The following SMURF2 variants were observed in gnomAD, a reference collection of about 807,000 sequenced individuals.
SMURF2 encodes the protein SMAD specific E3 ubiquitin protein ligase 2, also known as E3 ubiquitin-protein ligase SMURF2.
Under a neutral mutation model 109.6 loss-of-function variants are expected in SMURF2, and 48 were observed. The observed-to-expected ratio is 0.44, with a 90% CI of 0.35 to 0.56. The LOEUF is 0.56. Ranked by LOEUF, SMURF2 falls within the 20% of genes least tolerant of loss-of-function variation. The probability of loss-of-function intolerance (pLI) is 0.01; values close to 1 mark genes in which losing one functional copy is unlikely to be tolerated. For missense variants in SMURF2, 575 were observed against 909.0 expected (o/e 0.63, Z 4.72); for synonymous variants, 288 against 317.1 (o/e 0.91, Z 0.97).
In SMURF2 at chr17:64,662,296, G is replaced by C. The variant is rs1337110586; in HGVS notation, c.-416C>G. Reference sequence around the variant, plus strand: ...GGCTCGGCCGCTTCCTCCTCCACCCGCCCTCTTGTCTGAGGGACCCGGGAC... The same window carrying C: ...GGCTCGGCCGCTTCCTCCTCCACCCCCCCTCTTGTCTGAGGGACCCGGGAC... On this transcript the variant is annotated 5_prime_UTR_variant, in exon 1 of 19. Coordinates refer to ENST00000262435, the MANE Select transcript of SMURF2 (RefSeq NM_022739.4). 3 of 976,582 alleles carry C rather than the reference G, an allele frequency of 3.1e-6. No individual in the cohort carries two copies. Among genetic ancestry groups the C allele is most frequent in the Non-Finnish European group, 3.6e-6 (3 of 823,536 alleles). 60.5% of individuals were successfully genotyped at this position (976,582 alleles called of 1,614,324 possible). A position where few individuals can be genotyped will look rare whatever the true frequency, so the allele number is the denominator to read the frequency against.
In SMURF2 at chr17:64,557,680, G is replaced by A; in HGVS notation, c.1359C>T (p.Tyr453=). The A allele has an allele frequency of 1.2e-6, 2 of 1,612,372 alleles. No homozygotes were observed. Among genetic ancestry groups the A allele is most frequent in the Non-Finnish European group, 1.7e-6 (2 of 1,178,990 alleles). The change falls in exon 13 of 19, where the codon TAC becomes TAT. Residue 453 remains tyrosine (Y), a synonymous_variant. Transcript: ENST00000262435. ...YLLSHEMLNP[Y]YGLFQYSRDD... ...CTCTTGAATACTGGAAGAGGCCATA[G>A]TATGGATTCAACATTTCATGTGACA...
chr17:64,645,418 T>C (rs536422418), intron 1 of SMURF2, among the ~76,000 whole-genome samples: 35 of 152,172 alleles, frequency 2.3e-4, no homozygotes, highest in African/African-American at 7.9e-4. Flanking sequence ...TCAGGTACAG[T>C]GGTGTACAGC....
At chr17:64,657,632 A>G (rs1970722244) in intron 1 of SMURF2, among the ~76,000 whole-genome samples, 1 of 151,662 alleles carries the variant, frequency 6.6e-6, no homozygotes, top group Non-Finnish European at 1.5e-5. Context: ...CTGAGCCGGG[A>G]GGTCAAGGCT....
At chr17:64,546,047 G>C (rs1238395448) in intron 18 of SMURF2, 100 bp from the exon 19 acceptor site, 2 of 900,584 alleles carry the variant, frequency 2.2e-6, no homozygotes, top group Middle Eastern at 2.6e-4. Flanking sequence ...GTGTCACACA[G>C]AAAACTAAAA....
At chr17:64,656,766 G>A (rs536340538) in intron 1 of SMURF2, among the ~76,000 whole-genome samples, 1 of 152,128 alleles carries the variant, frequency 6.6e-6, no homozygotes. Flanking sequence ...AAATCTGAAC[G>A]ATGGTTGCTG....
chr17:64,624,503 C>CA (rs539075649), intron 1 of SMURF2, among the ~76,000 whole-genome samples: 5,165 of 52,350 alleles, frequency 0.099, 301 homozygotes, highest in African/African-American at 0.25. Flanking sequence ...CAGGCCTCTA[C>CA]AAAAAAAAAA....
chr17:64,603,707 CCTG>C (rs1555688796), intron 2 of SMURF2, among the ~76,000 whole-genome samples: 1 of 151,478 alleles, frequency 6.6e-6, no homozygotes, highest in African/African-American at 2.4e-5. Context: ...TGAAATTTTT[CCTG>C]CTAAAATTCT....
intron 2 of SMURF2, among the ~76,000 whole-genome samples, chr17:64,603,978 G>C (rs572903198): frequency 1.3e-5 from 2 of 152,042 alleles, no homozygotes; most frequent in African/African-American, 4.8e-5. Flanking sequence ...TAACTGAATC[G>C]CAAGCAAAAA....
At chr17:64,599,087 AGTGATACT>A (rs1214852755) in intron 2 of SMURF2, among the ~76,000 whole-genome samples, 1 of 152,256 alleles carries the variant, frequency 6.6e-6, no homozygotes, top group African/African-American at 2.4e-5. Context: ...ACAAGTGCTT[AGTGATACT>A]GATTGTAACG....
chr17:64,644,769 G>A (rs1970538313), intron 1 of SMURF2, among the ~76,000 whole-genome samples: 1 of 151,832 alleles, frequency 6.6e-6, no homozygotes. Flanking sequence ...AAAATTAGCT[G>A]GGCATGGTGG....
At position 64,545,808 on chromosome 17, in the gene SMURF2, G is replaced by C. The variant is rs782460309; in HGVS notation, c.*40C>G. The C allele has an allele frequency of 8.7e-7, 1 of 1,147,300 alleles. No homozygotes were observed. 71.1% of individuals were successfully genotyped at this position (1,147,300 alleles called of 1,614,324 possible). On this transcript the variant is annotated 3_prime_UTR_variant, in exon 19 of 19. Coordinates refer to ENST00000262435, the MANE Select transcript of SMURF2 (RefSeq NM_022739.4). ...CTGCTGAAAGGAGGCTGTCAGTCAG[G>C]GTTGTATAAATAGAGTCCTGGGTAA...
intron 13 of SMURF2, among the ~76,000 whole-genome samples, chr17:64,556,592 T>G (rs1303660089): frequency 6.6e-6 from 1 of 152,188 alleles, no homozygotes; most frequent in Non-Finnish European, 1.5e-5. Context: ...TTGAAACCCA[T>G]GGAACTGGAC....
At chr17:64,550,518 A>G (rs1477020741) in intron 16 of SMURF2, among the ~76,000 whole-genome samples, 2 of 152,144 alleles carry the variant, frequency 1.3e-5, no homozygotes, top group African/African-American at 2.4e-5. Context: ...GGTGGCTCAC[A>G]CCTGTAATCC....
chr17:64,552,328 A>G (rs16947863), intron 15 of SMURF2, among the ~76,000 whole-genome samples: 6,235 of 152,300 alleles, frequency 0.041, 445 homozygotes, highest in African/African-American at 0.14. Context: ...TACGATTTAT[A>G]AGTGAATTGT....
chr17:64,647,564 C>T (rs374460868), intron 1 of SMURF2, among the ~76,000 whole-genome samples: 4 of 151,854 alleles, frequency 2.6e-5, no homozygotes, highest in African/African-American at 9.7e-5. Context: ...ACCTGTAATC[C>T]CAGTTACTCC....
intron 9 of SMURF2, among the ~76,000 whole-genome samples, chr17:64,573,612 A>G (rs2144625920): frequency 6.6e-6 from 1 of 152,224 alleles, no homozygotes; most frequent in South Asian, 2.1e-4. Context: ...CAAATTTTAA[A>G]AAAAAGGGAG....
chr17:64,603,369 G>C (rs1203115928), intron 2 of SMURF2, among the ~76,000 whole-genome samples: 2 of 151,942 alleles, frequency 1.3e-5, no homozygotes, highest in African/African-American at 4.8e-5. Context: ...ATCACATGAG[G>C]TCAGGAGTTC....
chr17:64,623,604 A>C (rs1970231806), intron 1 of SMURF2, among the ~76,000 whole-genome samples: 2 of 152,266 alleles, frequency 1.3e-5, no homozygotes, highest in African/African-American at 4.8e-5. Flanking sequence ...TAAAATTTCC[A>C]GTGCAAAGGA....
chr17:64,593,827 G>C (rs1214418038), intron 3 of SMURF2, among the ~76,000 whole-genome samples: 1 of 152,112 alleles, frequency 6.6e-6, no homozygotes, highest in African/African-American at 2.4e-5. Flanking sequence ...GGCTATTTTA[G>C]TAGCTAATGT....
Sources: allele counts gnomAD v4.1 joint callset (sites outside exome capture counted in the v4.1 genomes callset), GRCh38; gene constraint gnomAD v4.1.1; transcripts MANE v1.5; gene names NCBI Gene and HGNC (gene_info 2026-07-23, HGNC 2026-07-21).